INSL6: variants seen among roughly 807,000 people sequenced by gnomAD.
INSL6 encodes the protein insulin like 6.
Under a neutral mutation model 9.4 loss-of-function variants are expected in INSL6, and 16 were observed. That is an observed-to-expected ratio of 1.70 (90% CI 1.15 to 2.59). The LOEUF (loss-of-function observed/expected upper bound fraction) is 2.59, where lower values mean the gene tolerates loss of function less well. INSL6 is among the 30% of genes most tolerant of loss of function. The pLI is 0.00. For missense variants in INSL6, 391 were observed against 257.3 expected (o/e 1.52, Z -3.56); for synonymous variants, 154 against 96.9 (o/e 1.59, Z -3.46).
At chr9:5,029,909 A>G in the INSL6 span, 1 of 1,577,156 alleles carries the variant, frequency 6.3e-7, no homozygotes, top group Non-Finnish European at 8.6e-7. Flanking sequence ...AGAATAAGGT[A>G]CTTTCTTCAG....
chr9:5,114,077 C>A, the INSL6 span: 1 of 341,006 alleles, frequency 2.9e-6, no homozygotes. Context: ...AGCTCACCCT[C>A]ACCCAGAAGC....
the INSL6 span, chr9:5,041,595 G>C: frequency 2.0e-6 from 1 of 497,290 alleles, no homozygotes; most frequent in African/African-American, 2.0e-5. Context: ...CCTGGACTTT[G>C]AGAAGCCCGA....
At chr9:5,177,479 A>C (rs913435403) in intron 1 of INSL6, among the ~76,000 whole-genome samples, 19 of 152,170 alleles carry the variant, frequency 1.2e-4, no homozygotes, top group Admixed American at 3.9e-4. Context: ...AGCTGTGTGG[A>C]GTCTCAGCAG....
the INSL6 span, among the ~76,000 whole-genome samples, chr9:5,076,884 C>T: frequency 1.3e-5 from 2 of 152,166 alleles, no homozygotes; most frequent in South Asian, 4.1e-4. Flanking sequence ...TGAAGGAATC[C>T]AGGATTGTTT....
chr9:5,070,025 C>T, the INSL6 span: 1 of 1,606,634 alleles, frequency 6.2e-7, no homozygotes, highest in South Asian at 1.1e-5. Context: ...TGGTGTTTCA[C>T]AAAATCAGAA....
At chr9:5,150,199 T>C (rs573986960) in intron 2 of INSL6, among the ~76,000 whole-genome samples, 4 of 152,344 alleles carry the variant, frequency 2.6e-5, no homozygotes, top group East Asian at 3.9e-4. Context: ...AAAGAATTCA[T>C]GACTAAGTCC....
At chr9:5,177,149 G>A (rs1385484314) in intron 1 of INSL6, among the ~76,000 whole-genome samples, 1 of 152,130 alleles carries the variant, frequency 6.6e-6, no homozygotes, top group Non-Finnish European at 1.5e-5. Flanking sequence ...AGGAATAAAA[G>A]AGTGAATTCA....
chr9:5,074,394 T>C, the INSL6 span, among the ~76,000 whole-genome samples: 1 of 152,182 alleles, frequency 6.6e-6, no homozygotes, highest in Non-Finnish European at 1.5e-5. Context: ...GTCAGCAACA[T>C]TTTCCCAACA....
chr9:5,157,071 A>G (rs777911968), intron 2 of INSL6, among the ~76,000 whole-genome samples: 1 of 152,174 alleles, frequency 6.6e-6, no homozygotes, highest in African/African-American at 2.4e-5. Flanking sequence ...CATATGTATT[A>G]TAACTGTACA....
chr9:5,167,067 T>A (rs189746823), intron 1 of INSL6, among the ~76,000 whole-genome samples: 2 of 151,598 alleles, frequency 1.3e-5, no homozygotes. Flanking sequence ...TGTTCTCTCA[T>A]TGGGACTGAC....
At chr9:5,172,196 C>T (rs1019585406) in intron 1 of INSL6, among the ~76,000 whole-genome samples, 1 of 152,130 alleles carries the variant, frequency 6.6e-6, no homozygotes, top group Non-Finnish European at 1.5e-5. Flanking sequence ...ACATCTATGA[C>T]CATCTGATCT....
the INSL6 span, among the ~76,000 whole-genome samples, chr9:5,019,998 C>A: frequency 6.6e-6 from 1 of 152,266 alleles, no homozygotes; most frequent in South Asian, 2.1e-4. Context: ...TGGGTCCAGG[C>A]AGTCCAATTT....
chr9:5,179,851 C>T (rs1032230527), intron 1 of INSL6, among the ~76,000 whole-genome samples: 3 of 151,974 alleles, frequency 2.0e-5, no homozygotes, highest in Non-Finnish European at 4.4e-5. Context: ...TGACAGGGGC[C>T]CTGGGGGAAG....
the INSL6 span, among the ~76,000 whole-genome samples, chr9:5,052,428 T>A: frequency 6.6e-6 from 1 of 152,076 alleles, no homozygotes; most frequent in Admixed American, 6.6e-5. Context: ...TGCTTTACTT[T>A]AAAAATAGTG....
At position 5,126,577 on chromosome 9, in the gene INSL6, C is replaced by G. The variant is rs985155735; in HGVS notation, c.*11-2066G>C. On this transcript the variant is annotated intron_variant, in intron 3 of 3. Transcript: ENST00000649639. ...ACAGCATAATCAGATGACTGTGGAA[C>G]AAGGCATGGTTATGACATGTGCCCT... 7.4e-6 allele frequency: 7 copies of G among 943,320 alleles called. No homozygotes were observed. In the African/African-American group the frequency reaches 8.3e-5, roughly 11 times the overall value. The allele number at this position is 943,320 out of a possible 1,614,324, so 58.4% of individuals were successfully genotyped here. A position where few individuals can be genotyped will look rare whatever the true frequency, so the allele number is the denominator to read the frequency against.
the INSL6 span, among the ~76,000 whole-genome samples, chr9:5,093,580 G>A: frequency 3.3e-5 from 5 of 152,262 alleles, no homozygotes; most frequent in East Asian, 9.6e-4. Flanking sequence ...AAAGCCTATA[G>A]GCCTTAACCT....
At chr9:5,175,030 C>T (rs1044417667) in intron 1 of INSL6, among the ~76,000 whole-genome samples, 5 of 151,880 alleles carry the variant, frequency 3.3e-5, no homozygotes, top group Non-Finnish European at 7.4e-5. Context: ...AGCTCTGCCT[C>T]CCGGGTTCAC....
the INSL6 span, chr9:5,113,424 TAAAAAAAAAAAAA>T: frequency 8.8e-6 from 1 of 114,134 alleles, no homozygotes. Context: ...ATTAGTTATT[TAAAAAAAAAAAAA>T]AAAAAAAAAA....
At chr9:5,004,497 A>C in the INSL6 span, among the ~76,000 whole-genome samples, 1 of 152,144 alleles carries the variant, frequency 6.6e-6, no homozygotes, top group Non-Finnish European at 1.5e-5. Flanking sequence ...ATTATATTCT[A>C]TTGTGTACAT....
Sources: gnomAD v4.1 joint callset for allele counts (sites outside exome capture counted in the v4.1 genomes callset) on GRCh38, gnomAD v4.1.1 for gene constraint, MANE v1.5 for transcripts, NCBI Gene and HGNC (gene_info 2026-07-23, HGNC 2026-07-21) for gene names.